PHACTR2: variants seen among roughly 807,000 people sequenced by gnomAD.
PHACTR2 encodes the protein chromosome 6 open reading frame 56.
PHACTR2 carries 30 observed loss-of-function variants against 76.0 expected under a neutral mutation model. The ratio of observed to expected loss-of-function variants is 0.39; its 90% CI spans 0.30 to 0.54. The LOEUF is 0.54. Ranked by LOEUF, PHACTR2 falls within the 20% of genes least tolerant of loss-of-function variation. The pLI is 0.61. For missense variants in PHACTR2, 696 were observed against 781.1 expected, an observed-to-expected ratio of 0.89 and a Z score of 1.30; for synonymous variants, 292 against 292.5, an observed-to-expected ratio of 1.00 and a Z score of 0.02.
rs927177216 is a variant in PHACTR2, at chr6:143,830,138, C to T, written c.*6449C>T. The T allele has an allele frequency of 6.6e-6, 1 of 151,976 alleles. No homozygotes were observed. Among genetic ancestry groups the T allele is most frequent in the Non-Finnish European group, 1.5e-5 (1 of 67,990 alleles). 9.4% of individuals were successfully genotyped at this position (151,976 alleles called of 1,614,324 possible). ...ATTCAAGGGTCAAACCACTTTCATC[C>T]CTTAAAATATAGGGACTAATATTTC... On this transcript the variant is annotated 3_prime_UTR_variant, in exon 13 of 13. Transcript: ENST00000440869.
chr6:143,555,626 A>T lies in PHACTR2; in HGVS notation c.217+18419A>T, dbSNP rs1201755615. ...TTTTTCCTGCTTTTCCTCTTGCTCCAGTTTGCCTTCCTAAATGTCTGGCCA... is the reference window on the plus strand; with the variant it reads ...TTTTTCCTGCTTTTCCTCTTGCTCCTGTTTGCCTTCCTAAATGTCTGGCCA... On this transcript the variant is annotated intron_variant, in intron 1 of 11. Transcript: ENST00000367584. 2.0e-5 allele frequency among the ~76,000 whole-genome samples: 3 copies of T among 152,122 alleles called. No individual in the cohort carries two copies. In the East Asian group the frequency reaches 5.8e-4, roughly 29 times the overall value.
chr6:143,682,003 T>C (rs1026226822), intron 1 of PHACTR2, among the ~76,000 whole-genome samples: 2 of 152,244 alleles, frequency 1.3e-5, no homozygotes, highest in African/African-American at 4.8e-5. Context: ...CCTAGAAGTA[T>C]GAGTTTTTCA....
chr6:143,665,272 T>C (rs1320249522), intron 1 of PHACTR2, among the ~76,000 whole-genome samples: 1 of 152,360 alleles, frequency 6.6e-6, no homozygotes, highest in East Asian at 1.9e-4. Context: ...CTTGGATTTA[T>C]TATGATTCCT....
At chr6:143,675,549 C>A (rs1276405111), upstream of PHACTR2, among the ~76,000 whole-genome samples, 1 of 152,142 alleles carries the variant, frequency 6.6e-6, no homozygotes, top group East Asian at 1.9e-4. The surrounding 1 kb of genome is among the most constrained non-coding windows in gnomAD (Gnocchi z 4.9). Context: ...TGCCTCCTCA[C>A]CCCCAGCCCA....
At position 143,678,043 on chromosome 6, in the gene PHACTR2, C is replaced by T; in HGVS notation, c.-121C>T. ...CGCGCGGGGTAGAAGGTGAGGGGAC[C>T]CGGCGGGCCGCTCGGCACAGGCCGG... On this transcript the variant is annotated 5_prime_UTR_variant, in exon 1 of 13. Coordinates refer to ENST00000440869, the MANE Select transcript of PHACTR2 (RefSeq NM_001100164.2). This position sits in a 1 kb window ranked among gnomAD's most constrained non-coding sequence, Gnocchi z 6.2. 1.3e-6 allele frequency: 2 copies of T among 1,522,006 alleles called. No individual in the cohort carries two copies. The highest frequency in any genetic ancestry group is 1.2e-5 in the South Asian group (1 of 82,598). 94.3% of individuals were successfully genotyped at this position (1,522,006 alleles called of 1,614,324 possible).
chr6:143,728,322 C>T (rs1778624597), intron 2 of PHACTR2, among the ~76,000 whole-genome samples: 1 of 150,726 alleles, frequency 6.6e-6, no homozygotes, highest in African/African-American at 2.4e-5. Flanking sequence ...GGTGATCCTC[C>T]CACCTCAGCC....
chr6:143,622,661 A>G (rs1776176091), intron 1 of PHACTR2, among the ~76,000 whole-genome samples: 1 of 152,232 alleles, frequency 6.6e-6, no homozygotes, highest in South Asian at 2.1e-4. Flanking sequence ...AATGCAAACG[A>G]TGCAAAATGC....
chr6:143,797,415 T>C (rs1346576089), intron 11 of PHACTR2, among the ~76,000 whole-genome samples: 2 of 152,252 alleles, frequency 1.3e-5, no homozygotes, highest in African/African-American at 4.8e-5. Context: ...TTCAGTTTAA[T>C]TAGATCCCCG....
In PHACTR2 at chr6:143,765,045, G is replaced by A. The variant is rs1011884898; in HGVS notation, c.695-216G>A. ...AGACAGAGGACTCTTGTTCCTCTGA[G>A]TTTTGCCGTAAATATCACTTGCTCC... On this transcript the variant is annotated intron_variant, in intron 5 of 12. Transcript: ENST00000440869. This position sits in a 1 kb window ranked among gnomAD's most constrained non-coding sequence, Gnocchi z 4.1. Among the ~76,000 whole-genome samples the A allele has an allele frequency of 6.6e-6, 1 of 152,134 alleles. No homozygotes were observed.
At position 143,803,846 on chromosome 6, in the gene PHACTR2, T is replaced by C. The variant is rs963280989; in HGVS notation, c.1846-3211T>C. On this transcript the variant is annotated intron_variant, in intron 11 of 12. Transcript: ENST00000440869. The surrounding 1 kb of genome is among the most constrained non-coding windows in gnomAD (Gnocchi z 4.7). ...TCGATATACTAGAGCGTTGCGAAAATAAAAGCAAGATATTTCATGACAAAC... is the reference window on the plus strand; with the variant it reads ...TCGATATACTAGAGCGTTGCGAAAACAAAAGCAAGATATTTCATGACAAAC... 2.6e-5 allele frequency among the ~76,000 whole-genome samples: 4 copies of C among 152,122 alleles called. No homozygotes were observed. The highest frequency in any genetic ancestry group is 9.7e-5 in the African/African-American group (4 of 41,422).
rs1023275058 is a variant in PHACTR2 at position 143,700,292 on chromosome 6, T to C, written c.47-11724T>C. ...TATTTCAGCCAGGCGCGGTGGCTCA[T>C]GCCTGTAAACCAAACACTTTGGGAG... On this transcript the variant is annotated intron_variant, in intron 1 of 12. Transcript: ENST00000440869. The surrounding 1 kb of genome is among the most constrained non-coding windows in gnomAD (Gnocchi z 4.1). 2.9e-4 allele frequency among the ~76,000 whole-genome samples: 44 copies of C among 152,194 alleles called. No homozygotes were observed. Among genetic ancestry groups the C allele is most frequent in the African/African-American group, 1.0e-3 (43 of 41,452 alleles).
At position 143,731,385 on chromosome 6, in the gene PHACTR2, T is replaced by G. The variant is rs2128465722; in HGVS notation, c.215-17600T>G. 6.6e-6 allele frequency among the ~76,000 whole-genome samples: 1 copy of G among 152,090 alleles called. No homozygotes were observed. Among genetic ancestry groups the G allele is most frequent in the African/African-American group, 2.4e-5 (1 of 41,490 alleles). ...TCACAGCAACCTCCGCCTCCCAGGT[T>G]CAAGTGATTCTCCTGCCTCAGCCTC... On this transcript the variant is annotated intron_variant, in intron 2 of 12. Coordinates refer to ENST00000440869, the MANE Select transcript of PHACTR2 (RefSeq NM_001100164.2). This position sits in a 1 kb window ranked among gnomAD's most constrained non-coding sequence, Gnocchi z 4.9.
rs550275637 is a variant in PHACTR2 at position 143,708,800 on chromosome 6, G to GA, written c.47-3211dup. Among the ~76,000 whole-genome samples the GA allele has an allele frequency of 9.5e-4, 144 of 152,262 alleles. No individual in the cohort carries two copies. The highest frequency in any genetic ancestry group is 1.8e-3 in the Non-Finnish European group (121 of 68,012). On this transcript the variant is annotated intron_variant, in intron 1 of 12. Coordinates refer to ENST00000440869, the MANE Select transcript of PHACTR2 (RefSeq NM_001100164.2). This position sits in a 1 kb window ranked among gnomAD's most constrained non-coding sequence, Gnocchi z 5.5. The stretch of plus-strand genomic sequence containing the variant: ...ATTGCAAATATGGTCTATGATAGGG[G>GA]AAAAATAGGCTGTTCTTAATTGCTT...
intron 1 of PHACTR2, among the ~76,000 whole-genome samples, chr6:143,552,607 T>TA (rs902363931): frequency 3.7e-4 from 56 of 151,356 alleles, no homozygotes; most frequent in African/African-American, 1.2e-3. Context: ...CTATCAGAAT[T>TA]AAAAAAAAAT....
At chr6:143,720,756 G>A (rs553267907) in intron 2 of PHACTR2, among the ~76,000 whole-genome samples, 2 of 152,080 alleles carry the variant, frequency 1.3e-5, no homozygotes, top group Non-Finnish European at 2.9e-5. Flanking sequence ...GGGACCACAG[G>A]CATGGACCAC....
chr6:143,807,174 G>A lies in PHACTR2; in HGVS notation c.1922+41G>A, dbSNP rs749205781. 1 of 1,174,256 alleles carries A rather than the reference G, an allele frequency of 8.5e-7. No homozygotes were observed. The highest frequency in any genetic ancestry group is 1.9e-5 in the Admixed American group (1 of 51,922). 72.7% of individuals were successfully genotyped at this position (1,174,256 alleles called of 1,614,324 possible). A position where few individuals can be genotyped will look rare whatever the true frequency, so the allele number is the denominator to read the frequency against. ...CAGCTTAGAAATTGAAAATGCTTAA[G>A]ATGTGATCCCATGTTGAGTTGGTTA... is the stretch of plus-strand genomic sequence containing the variant. On this transcript the variant is annotated intron_variant, in intron 12 of 12. Transcript: ENST00000440869. This position sits in a 1 kb window ranked among gnomAD's most constrained non-coding sequence, Gnocchi z 5.5.
At chr6:143,635,994 G>C (rs1776445308) in intron 1 of PHACTR2, among the ~76,000 whole-genome samples, 2 of 152,128 alleles carry the variant, frequency 1.3e-5, no homozygotes, top group Non-Finnish European at 2.9e-5. Context: ...GATCACTTGA[G>C]GCCAGGAGTT....
chr6:143,732,553 G>A (rs959320696), intron 2 of PHACTR2, among the ~76,000 whole-genome samples: 2 of 151,824 alleles, frequency 1.3e-5, no homozygotes, highest in Admixed American at 1.3e-4. Context: ...TTCTATTGGC[G>A]GCTATTATGA....
chr6:143,611,392 G>C lies in PHACTR2; in HGVS notation c.13+3070G>C, dbSNP rs1301073977. Among the ~76,000 whole-genome samples, 1 of 152,196 alleles carries C rather than the reference G, an allele frequency of 6.6e-6. No homozygotes were observed. Among genetic ancestry groups the C allele is most frequent in the African/African-American group, 2.4e-5 (1 of 41,446 alleles). Reference sequence around the variant, plus strand: ...CACAGTCTGCCAGCTCCCTGCAAAAGAGACTCGAGAGTTATTTGGAGCCAG... The same window carrying C: ...CACAGTCTGCCAGCTCCCTGCAAAACAGACTCGAGAGTTATTTGGAGCCAG... On this transcript the variant is annotated intron_variant, in intron 1 of 11. Transcript: ENST00000305766. This position sits in a 1 kb window ranked among gnomAD's most constrained non-coding sequence, Gnocchi z 4.4.
Sources: allele counts gnomAD v4.1 joint callset (sites outside exome capture counted in the v4.1 genomes callset), GRCh38; gene constraint gnomAD v4.1.1; non-coding constraint Gnocchi (gnomAD v3.1); transcripts MANE v1.5; gene names NCBI Gene and HGNC (gene_info 2026-07-23, HGNC 2026-07-21).